The following CLSTN2 variants were observed in gnomAD, a reference collection of about 807,000 sequenced individuals.
CLSTN2 encodes the protein calsyntenin 2.
CLSTN2 carries 48 observed loss-of-function variants against 101.2 expected under a neutral mutation model. That is an observed-to-expected ratio of 0.47 (90% confidence interval 0.38 to 0.60). CLSTN2 has a LOEUF of 0.60. CLSTN2 is among the 20% of genes least tolerant of loss of function. The probability of loss-of-function intolerance (pLI) is 0.00; values close to 1 mark genes in which losing one functional copy is unlikely to be tolerated. For missense variants in CLSTN2, 1,160 were observed against 1,238.2 expected, an observed-to-expected ratio of 0.94 and a Z score of 0.95; for synonymous variants, 481 against 463.6, an observed-to-expected ratio of 1.04 and a Z score of -0.48.
intron 4 of CLSTN2, among the ~76,000 whole-genome samples, chr3:140,415,038 T>C (rs906790363): frequency 2.6e-5 from 4 of 151,534 alleles, no homozygotes; most frequent in African/African-American, 9.7e-5. Flanking sequence ...TTCACACATA[T>C]ATAGTTAGCT....
chr3:140,282,376 T>G (rs1173727836), intron 2 of CLSTN2, among the ~76,000 whole-genome samples: 6 of 152,046 alleles, frequency 3.9e-5, no homozygotes, highest in Admixed American at 2.6e-4. Flanking sequence ...CATGTTTGAG[T>G]GGGCCTGGAG....
chr3:140,152,888 C>T (rs1211477910), intron 1 of CLSTN2, among the ~76,000 whole-genome samples: 1 of 152,192 alleles, frequency 6.6e-6, no homozygotes, highest in African/African-American at 2.4e-5. Flanking sequence ...AAATCCTTAA[C>T]CTGCTGTGTG....
chr3:140,078,056 T>A (rs116260892), intron 1 of CLSTN2, among the ~76,000 whole-genome samples: 3 of 152,122 alleles, frequency 2.0e-5, no homozygotes, highest in Admixed American at 6.5e-5. Context: ...GAGGGGAAGA[T>A]GAAAGAGGAA....
intron 2 of CLSTN2, among the ~76,000 whole-genome samples, chr3:140,289,492 G>T (rs2086929462): frequency 6.6e-6 from 1 of 152,130 alleles, no homozygotes; most frequent in Non-Finnish European, 1.5e-5. Flanking sequence ...AGCCAAAAGA[G>T]TAGGAACAGC....
In CLSTN2 at chr3:139,955,438, C is replaced by T. The variant is rs186097714; in HGVS notation, c.109+19955C>T. 2.4e-3 allele frequency among the ~76,000 whole-genome samples: 362 copies of T among 152,256 alleles called. 1 individual carries two copies. The highest frequency in any genetic ancestry group is 8.1e-3 in the African/African-American group (338 of 41,554). On this transcript the variant is annotated intron_variant, in intron 1 of 16. Transcript: ENST00000458420. Reference sequence around the variant, plus strand: ...TTATCCATTGCTGCCTAACAAACCCCTGCACAACTTAGCGAAACAGTGACC... The same window carrying T: ...TTATCCATTGCTGCCTAACAAACCCTTGCACAACTTAGCGAAACAGTGACC...
intron 1 of CLSTN2, among the ~76,000 whole-genome samples, chr3:140,161,460 C>CTTTTT (rs2010045056): frequency 6.6e-6 from 1 of 152,086 alleles, no homozygotes; most frequent in East Asian, 1.9e-4. Flanking sequence ...AAAAGATGCT[C>CTTTTT]CCCTTCCTTT....
At chr3:140,060,767 C>T (rs2008191109) in intron 1 of CLSTN2, among the ~76,000 whole-genome samples, 1 of 152,200 alleles carries the variant, frequency 6.6e-6, no homozygotes, top group Non-Finnish European at 1.5e-5. Context: ...CAGTGGTGGG[C>T]AACACAGGGA....
intron 2 of CLSTN2, among the ~76,000 whole-genome samples, chr3:140,310,447 A>G (rs1476553521): frequency 6.6e-6 from 1 of 151,940 alleles, no homozygotes; most frequent in Non-Finnish European, 1.5e-5. Context: ...CTGGAAAGGC[A>G]CCACCCGCTT....
chr3:140,143,211 C>T (rs1440379198), intron 1 of CLSTN2, among the ~76,000 whole-genome samples: 1 of 152,128 alleles, frequency 6.6e-6, no homozygotes, highest in Non-Finnish European at 1.5e-5. Flanking sequence ...AGTATTTCTG[C>T]CAGGCAGACC....
At chr3:140,034,691 A>G (rs868851641) in intron 1 of CLSTN2, among the ~76,000 whole-genome samples, 1 of 152,196 alleles carries the variant, frequency 6.6e-6, no homozygotes, top group South Asian at 2.1e-4. Flanking sequence ...GGCGGGGAGG[A>G]GAAATTATTT....
intron 2 of CLSTN2, among the ~76,000 whole-genome samples, chr3:140,273,959 G>A (rs938688679): frequency 1.1e-4 from 16 of 152,160 alleles, no homozygotes; most frequent in African/African-American, 3.9e-4. Context: ...TGAACGCACA[G>A]AGCCACAGGA....
At chr3:140,102,744 C>G (rs2008988606) in intron 1 of CLSTN2, among the ~76,000 whole-genome samples, 1 of 152,156 alleles carries the variant, frequency 6.6e-6, no homozygotes, top group African/African-American at 2.4e-5. Flanking sequence ...AAAGAGAACT[C>G]TAGTTGTGGT....
chr3:140,098,957 AG>A (rs1336201626), intron 1 of CLSTN2, among the ~76,000 whole-genome samples: 2 of 152,170 alleles, frequency 1.3e-5, no homozygotes, highest in Non-Finnish European at 2.9e-5. Context: ...ACATACTTAA[AG>A]GTGAGATCAC....
At chr3:140,240,713 G>A (rs980760976) in intron 2 of CLSTN2, among the ~76,000 whole-genome samples, 1 of 152,140 alleles carries the variant, frequency 6.6e-6, no homozygotes, top group African/African-American at 2.4e-5. Context: ...TGCCAAAGCA[G>A]CAGAATAGAG....
intron 1 of CLSTN2, among the ~76,000 whole-genome samples, chr3:139,959,941 C>A (rs1219991003): frequency 1.3e-5 from 2 of 152,258 alleles, no homozygotes; most frequent in African/African-American, 4.8e-5. Flanking sequence ...AGCTTATTCT[C>A]CTGTGTTTTC....
intron 1 of CLSTN2, among the ~76,000 whole-genome samples, chr3:140,156,738 G>C (rs1367094314): frequency 6.6e-6 from 1 of 152,214 alleles, no homozygotes; most frequent in Non-Finnish European, 1.5e-5. Context: ...CTCCTACTCA[G>C]ACTGCATGGA....
At chr3:140,309,529 G>A (rs574246957) in intron 2 of CLSTN2, among the ~76,000 whole-genome samples, 1 of 152,176 alleles carries the variant, frequency 6.6e-6, no homozygotes, top group East Asian at 1.9e-4. Context: ...ATCATGGAGG[G>A]CAAGTGTTAT....
At chr3:140,360,074 G>A (rs2087711800) in intron 2 of CLSTN2, among the ~76,000 whole-genome samples, 1 of 151,566 alleles carries the variant, frequency 6.6e-6, no homozygotes, top group Non-Finnish European at 1.5e-5. Context: ...CTCCCATGCT[G>A]GGAACACATT....
chr3:140,288,136 G>C (rs940894670), intron 2 of CLSTN2, among the ~76,000 whole-genome samples: 3 of 149,916 alleles, frequency 2.0e-5, no homozygotes, highest in African/African-American at 4.9e-5. Context: ...CCGGCGGGGG[G>C]GGTCAGAAAT....
Sources: gnomAD v4.1 joint callset for allele counts (sites outside exome capture counted in the v4.1 genomes callset) on GRCh38, gnomAD v4.1.1 for gene constraint, MANE v1.5 for transcripts, NCBI Gene and HGNC (gene_info 2026-07-23, HGNC 2026-07-21) for gene names.